Variants in GRAMD1A observed in about 807,000 individuals in gnomAD.
GRAMD1A encodes protein Aster-A.
GRAMD1A carries 50 observed loss-of-function variants against 92.0 expected under a neutral mutation model. That is an observed-to-expected ratio of 0.54 (90% CI 0.43 to 0.69). GRAMD1A has a LOEUF of 0.69. GRAMD1A is among the 30% of genes least tolerant of loss of function. The pLI is 0.00. For missense variants in GRAMD1A, 819 were observed against 978.9 expected (o/e 0.84, Z 2.18); for synonymous variants, 405 against 403.6 (o/e 1.00, Z -0.04).
chr19:35,024,441 C>T (rs113943111), intron 19 of GRAMD1A, among the ~76,000 whole-genome samples: 4,142 of 152,164 alleles, frequency 0.027, 194 homozygotes, highest in African/African-American at 0.095. Flanking sequence ...GTCAGGCCAG[C>T]AGTTGCGGTG....
intron 3 of GRAMD1A, chr19:35,009,654 C>T: frequency 1.5e-6 from 1 of 647,014 alleles, no homozygotes. Flanking sequence ...AACAGCCCCA[C>T]CTTACAAGGC....
upstream of GRAMD1A, among the ~76,000 whole-genome samples, chr19:34,998,792 G>A (rs1431137429): frequency 6.7e-6 from 1 of 149,546 alleles, no homozygotes; most frequent in East Asian, 2.0e-4. Context: ...AGCATGAGAG[G>A]TAGGGCACGG....
At chr19:35,015,699 C>A (rs1487548954) in intron 10 of GRAMD1A, 125 bp from the exon 11 acceptor site, 3 of 854,650 alleles carry the variant, frequency 3.5e-6, no homozygotes, top group South Asian at 1.8e-5. Context: ...TGTCAGTGTC[C>A]AGCTGTGCTC....
At chr19:35,007,025 GGGGAGAGGAAGGACA>G (rs1296554351) in intron 1 of GRAMD1A, among the ~76,000 whole-genome samples, 1 of 152,190 alleles carries the variant, frequency 6.6e-6, no homozygotes, top group East Asian at 1.9e-4. Context: ...GGGATGGCCA[GGGGAGAGGAAGGACA>G]GGGAGAGGGA....
In GRAMD1A at chr19:35,010,311, T is replaced by A; in HGVS notation, c.457T>A (p.Cys153Ser). The change falls in exon 6 of 20, where the codon TGT becomes AGT. Residue 153 changes from cysteine (C) to serine (S), a missense_variant. Transcript: ENST00000317991. ...CTCCATCCAGCTGAAGGAAGTGACA[T>A]GTCTGAAGAAGGAAAAGACGGCCAA... The part of the protein sequence containing the change: ...TISIQLKEVT[C>S]LKKEKTAKLI... 1.2e-6 allele frequency: 2 copies of A among 1,613,716 alleles called. No homozygotes were observed. The highest frequency in any genetic ancestry group is 1.7e-6 in the Non-Finnish European group (2 of 1,179,568).
upstream of GRAMD1A, chr19:35,000,265 G>T: frequency 1.9e-6 from 2 of 1,028,086 alleles, no homozygotes; most frequent in African/African-American, 1.7e-5. This position sits in a 1 kb window ranked among gnomAD's most constrained non-coding sequence, Gnocchi z 4.9. Context: ...GTGACGCGGC[G>T]GGGCGGGGGA....
intron 10 of GRAMD1A, chr19:35,015,498 C>T (rs966891368): frequency 1.2e-5 from 3 of 240,046 alleles, no homozygotes; most frequent in African/African-American, 6.8e-5. Context: ...GCCACCCACT[C>T]ACCCCTGAAC....
At chr19:35,016,050 C>T (rs983806247) in intron 11 of GRAMD1A, 83 bp downstream of exon 11, 2 of 1,437,306 alleles carry the variant, frequency 1.4e-6, no homozygotes, top group African/African-American at 1.4e-5. Context: ...CAGGGGAAGG[C>T]ACTGCTAGCC....
intron 13 of GRAMD1A, 81 bp downstream of exon 13, chr19:35,019,614 C>G (rs2015904846): frequency 8.1e-6 from 11 of 1,350,282 alleles, no homozygotes; most frequent in Non-Finnish European, 1.2e-5. Context: ...AGCAGCAGAG[C>G]CTTGGTTCCC....
At chr19:35,005,889 C>T (rs533408611) in intron 1 of GRAMD1A, 2 of 456,240 alleles carry the variant, frequency 4.4e-6, no homozygotes, top group African/African-American at 2.0e-5. Flanking sequence ...CAAAGAAGAA[C>T]TACGATCTGG....
chr19:34,996,307 TG>T, upstream of GRAMD1A: 1 of 1,493,860 alleles, frequency 6.7e-7, no homozygotes, highest in Non-Finnish European at 8.9e-7. Flanking sequence ...ACCTGGGCAG[TG>T]GGACAGGAAA....
chr19:34,997,787 C>A (rs750836394), upstream of GRAMD1A, among the ~76,000 whole-genome samples: 1 of 152,018 alleles, frequency 6.6e-6, no homozygotes. Flanking sequence ...TACACAGGGT[C>A]CAGGCGTGCT....
rs200713250 is a variant in GRAMD1A at position 35,009,205 on chromosome 19, C to A, written c.95C>A (p.Pro32Gln). 1.2e-5 allele frequency: 19 copies of A among 1,613,730 alleles called. No homozygotes were observed. In the South Asian group the frequency reaches 1.8e-4, roughly 15 times the overall value. Reference sequence around the variant, plus strand: ...CAGCTCCTGCCCCCAAGCCGGCCCCCACCTGAGCCAGAACCAGGCACCATG... The same window carrying A: ...CAGCTCCTGCCCCCAAGCCGGCCCCAACCTGAGCCAGAACCAGGCACCATG... Reference protein sequence around the residue: ...RLQLLPPSRPPPEPEPGTMVE... With the variant: ...RLQLLPPSRPQPEPEPGTMVE... The change falls in exon 2 of 20, where the codon CCA (proline) becomes CAA (glutamine). Residue 32 changes from proline to glutamine, a missense_variant. Coordinates refer to ENST00000317991, the MANE Select transcript of GRAMD1A (RefSeq NM_020895.5).
chr19:35,014,429 A>C, intron 10 of GRAMD1A, 42 bp downstream of exon 10: 1 of 1,552,930 alleles, frequency 6.4e-7, no homozygotes, highest in South Asian at 1.1e-5. Flanking sequence ...CGGTACTTGC[A>C]AGCCTCGCTC....
chr19:35,019,149 G>A, intron 11 of GRAMD1A, 42 bp from the exon 12 acceptor site: 1 of 1,349,160 alleles, frequency 7.4e-7, no homozygotes. Flanking sequence ...GTGGGCAAAG[G>A]ACTGGGGTGT....
chr19:35,018,373 C>T (rs1798712671), intron 11 of GRAMD1A, among the ~76,000 whole-genome samples: 1 of 152,160 alleles, frequency 6.6e-6, no homozygotes, highest in South Asian at 2.1e-4. Context: ...GTGCCACACA[C>T]TTAAATGACC....
chr19:35,011,519 A>C lies in GRAMD1A; in HGVS notation c.571A>C (p.Ile191Leu), dbSNP rs1568325550. The C allele has an allele frequency of 6.2e-7, 1 of 1,611,134 alleles. No individual in the cohort carries two copies. The highest frequency in any genetic ancestry group is 2.2e-5 in the East Asian group (1 of 44,838). ...GGCCCGTGACCGCTGCTTCCTCCTC[A>C]TCTTCCGCCTCTGGCAGAATGCACT... is the stretch of plus-strand genomic sequence containing the variant. ...FGARDRCFLL[I>L]FRLWQNALLE... Residue 191 changes from isoleucine to leucine, a missense_variant, in exon 7 of 20, where the codon ATC becomes CTC. Physicochemically the swap from Ile to Leu is conservative, Grantham distance 5. This residue lies in a region of GRAMD1A where 144 missense variants were observed against 220.3 expected (regional missense o/e 0.65). Coordinates refer to ENST00000317991, the MANE Select transcript of GRAMD1A (RefSeq NM_020895.5).
intron 1 of GRAMD1A, among the ~76,000 whole-genome samples, chr19:35,007,062 C>T (rs574233114): frequency 9.9e-5 from 15 of 152,220 alleles, no homozygotes; most frequent in African/African-American, 3.6e-4. Flanking sequence ...GACATGAGGT[C>T]AGTGAGGTTC....
rs199849163 is a variant in GRAMD1A at position 35,021,602 on chromosome 19, C to T, written c.1576C>T (p.Leu526=). The T allele has an allele frequency of 1.7e-4, 274 of 1,613,610 alleles. No individual in the cohort carries two copies. The highest frequency in any genetic ancestry group is 3.3e-4 in the Middle Eastern group (2 of 6,084). Residue 526 remains leucine, a synonymous_variant, in exon 14 of 20, where the codon CTG becomes TTG. Transcript: ENST00000317991. The surrounding 1 kb of genome is among the most constrained non-coding windows in gnomAD (Gnocchi z 5.3). ...WSGIEDYFHH[L]ERELAKAEKL... is the part of the protein sequence containing the mutation. ...CGGCATTGAAGACTATTTCCACCAT[C>T]TGGGTAGGGACAGAAGGCCGGCTGG...
Sources: gnomAD v4.1 joint callset for allele counts (sites outside exome capture counted in the v4.1 genomes callset) on GRCh38, gnomAD v4.1.1 for gene constraint, gnomAD v4.1.1 regional missense constraint, Gnocchi (gnomAD v3.1) non-coding constraint, MANE v1.5 for transcripts, NCBI Gene and HGNC (gene_info 2026-07-23, HGNC 2026-07-21) for gene names.